CCDC178: variants seen among roughly 807,000 people sequenced by gnomAD.
The protein encoded by CCDC178 is coiled-coil domain-containing protein 178.
Under a neutral mutation model 117.4 loss-of-function variants are expected in CCDC178, and 126 were observed. The observed-to-expected ratio is 1.07, with a 90% confidence interval of 0.93 to 1.24. CCDC178 has a LOEUF of 1.24. Among genes scored for constraint, CCDC178 ranks in the 50% most tolerant of loss-of-function variants. CCDC178 has a pLI of 0.00. For missense variants in CCDC178, 1,030 were observed against 986.9 expected, an observed-to-expected ratio of 1.04 and a Z score of -0.59; for synonymous variants, 283 against 313.4, an observed-to-expected ratio of 0.90 and a Z score of 1.02.
intron 15 of CCDC178, among the ~76,000 whole-genome samples, chr18:33,243,092 A>AT (rs2144683868): frequency 6.6e-6 from 1 of 152,076 alleles, no homozygotes; most frequent in South Asian, 2.1e-4. Flanking sequence ...AAATCCTATC[A>AT]TTTGCAGAAA....
intron 12 of CCDC178, among the ~76,000 whole-genome samples, chr18:33,290,739 G>A (rs1014512494): frequency 3.3e-5 from 5 of 152,090 alleles, no homozygotes; most frequent in Admixed American, 1.3e-4. Context: ...GCCATGGAGT[G>A]TTCAGGTGAA....
chr18:33,379,765 T>C (rs1016974449), intron 5 of CCDC178, among the ~76,000 whole-genome samples: 8 of 152,144 alleles, frequency 5.3e-5, no homozygotes, highest in African/African-American at 1.9e-4. Context: ...CAACAAGATC[T>C]CTGCACAAGA....
chr18:33,287,839 G>T (rs2060118470), intron 12 of CCDC178, among the ~76,000 whole-genome samples: 1 of 152,002 alleles, frequency 6.6e-6, no homozygotes, highest in South Asian at 2.1e-4. Context: ...TCAAATTGAG[G>T]AGGGCCAGCG....
intron 21 of CCDC178, among the ~76,000 whole-genome samples, chr18:33,046,613 T>A (rs2056647567): frequency 6.6e-6 from 1 of 152,140 alleles, no homozygotes; most frequent in African/African-American, 2.4e-5. Context: ...ACAAGCATTA[T>A]CAATTTTATG....
intron 20 of CCDC178, among the ~76,000 whole-genome samples, chr18:33,194,900 C>CAAAAAA (rs530764182): frequency 0.079 from 4,428 of 56,002 alleles, 266 homozygotes; most frequent in African/African-American, 0.13. Flanking sequence ...TCTGTTTCTA[C>CAAAAAA]AAAAAAAAAA....
intron 21 of CCDC178, among the ~76,000 whole-genome samples, chr18:33,030,603 T>C (rs1254480052): frequency 6.6e-6 from 1 of 151,664 alleles, no homozygotes; most frequent in African/African-American, 2.4e-5. Context: ...GAGAATTTAA[T>C]GGGGAATTGG....
intron 20 of CCDC178, among the ~76,000 whole-genome samples, chr18:33,115,512 C>A (rs185885969): frequency 1.3e-5 from 2 of 152,100 alleles, no homozygotes; most frequent in Admixed American, 1.3e-4. Flanking sequence ...CAAGATAGAT[C>A]TTAATTTTTT....
intron 21 of CCDC178, among the ~76,000 whole-genome samples, chr18:33,064,749 G>A (rs1164427120): frequency 2.0e-5 from 3 of 152,098 alleles, no homozygotes; most frequent in African/African-American, 4.8e-5. Context: ...GTATGTTGAA[G>A]AGCTATCTGT....
intron 21 of CCDC178, among the ~76,000 whole-genome samples, chr18:32,991,298 T>C (rs951060129): frequency 6.6e-6 from 1 of 152,134 alleles, no homozygotes; most frequent in African/African-American, 2.4e-5. Context: ...TTAGGTATTG[T>C]GTACATAAAT....
chr18:33,263,220 T>C (rs1484242347), intron 14 of CCDC178, among the ~76,000 whole-genome samples: 1 of 152,222 alleles, frequency 6.6e-6, no homozygotes, highest in Non-Finnish European at 1.5e-5. Context: ...AATGGGATAG[T>C]CTTTCCGGAA....
chr18:33,308,352 C>A (rs2062286788), intron 11 of CCDC178, among the ~76,000 whole-genome samples: 1 of 152,160 alleles, frequency 6.6e-6, no homozygotes, highest in African/African-American at 2.4e-5. Context: ...CTGTAGCCCC[C>A]TTTTTTTGGC....
intron 20 of CCDC178, among the ~76,000 whole-genome samples, chr18:33,099,194 T>C (rs2057587888): frequency 1.3e-5 from 2 of 152,064 alleles, no homozygotes. Context: ...GTGTAAACAA[T>C]AAAATGTATC....
At chr18:33,232,773 T>C (rs2059382018) in intron 15 of CCDC178, among the ~76,000 whole-genome samples, 1 of 152,184 alleles carries the variant, frequency 6.6e-6, no homozygotes. Flanking sequence ...ATTTTGACTT[T>C]TTGGTGTCAT....
At chr18:33,376,460 C>G (rs1338128380) in intron 5 of CCDC178, among the ~76,000 whole-genome samples, 3 of 152,112 alleles carry the variant, frequency 2.0e-5, no homozygotes, top group African/African-American at 7.2e-5. Flanking sequence ...TTTTGACTTT[C>G]ATTTTAGATT....
intron 20 of CCDC178, among the ~76,000 whole-genome samples, chr18:33,100,753 A>G (rs2057613754): frequency 1.3e-5 from 2 of 152,042 alleles, no homozygotes; most frequent in South Asian, 4.1e-4. Context: ...CATACTGACT[A>G]TAGTATTCCT....
chr18:33,222,017 C>T (rs2059240895), intron 18 of CCDC178, among the ~76,000 whole-genome samples: 2 of 151,874 alleles, frequency 1.3e-5, no homozygotes, highest in Admixed American at 1.3e-4. Flanking sequence ...ATTAGTGATT[C>T]TAAGTTCTCT....
At chr18:33,329,056 G>A (rs543673240) in intron 10 of CCDC178, among the ~76,000 whole-genome samples, 21 of 151,812 alleles carry the variant, frequency 1.4e-4, no homozygotes, top group South Asian at 6.2e-4. Context: ...TTGATGACCC[G>A]TATATGGAAT....
chr18:32,992,082 A>G (rs1284582072), intron 21 of CCDC178, among the ~76,000 whole-genome samples: 1 of 152,208 alleles, frequency 6.6e-6, no homozygotes, highest in African/African-American at 2.4e-5. Flanking sequence ...TGAAAGTGTA[A>G]TAGTTGAACC....
intron 21 of CCDC178, among the ~76,000 whole-genome samples, chr18:33,082,680 A>C (rs1302951995): frequency 6.6e-6 from 1 of 152,124 alleles, no homozygotes; most frequent in Non-Finnish European, 1.5e-5. Context: ...CATATGTAAC[A>C]AACCTGCATG....
Sources: allele counts gnomAD v4.1 joint callset (sites outside exome capture counted in the v4.1 genomes callset), GRCh38; gene constraint gnomAD v4.1.1; transcripts MANE v1.5; gene names NCBI Gene and HGNC (gene_info 2026-07-23, HGNC 2026-07-21).